APBA1: variants seen among roughly 807,000 people sequenced by gnomAD.
The protein encoded by APBA1 is amyloid-beta A4 precursor protein-binding family A member 1.
APBA1 carries 55 observed loss-of-function variants against 86.6 expected under a neutral mutation model. The ratio of observed to expected loss-of-function variants is 0.64; its 90% confidence interval spans 0.51 to 0.80. The LOEUF (loss-of-function observed/expected upper bound fraction) is 0.80. Ranked by LOEUF, APBA1 falls within the 30% of genes least tolerant of loss-of-function variation. The pLI is 0.00. For synonymous variants in APBA1, 511 were observed against 493.9 expected (o/e 1.03, Z -0.46); for missense variants, 1,090 against 1,183.0 (o/e 0.92, Z 1.15).
intron 1 of APBA1, among the ~76,000 whole-genome samples, chr9:69,621,901 T>C (rs1822826975): frequency 6.6e-6 from 1 of 152,222 alleles, no homozygotes; most frequent in Non-Finnish European, 1.5e-5. Context: ...GAACGCAGTG[T>C]TGGCTATGAT....
At chr9:69,632,699 G>A (rs1823072536) in intron 1 of APBA1, among the ~76,000 whole-genome samples, 1 of 152,018 alleles carries the variant, frequency 6.6e-6, no homozygotes, top group Non-Finnish European at 1.5e-5. Flanking sequence ...TCAGTGATTT[G>A]GAATCAGATA....
intron 2 of APBA1, among the ~76,000 whole-genome samples, chr9:69,488,678 G>A (rs1380440645): frequency 6.6e-6 from 1 of 152,122 alleles, no homozygotes; most frequent in African/African-American, 2.4e-5. Context: ...TACACTGGCT[G>A]GGCCAGAAAC....
At chr9:69,585,671 C>T (rs183359477) in intron 1 of APBA1, among the ~76,000 whole-genome samples, 71 of 152,300 alleles carry the variant, frequency 4.7e-4, no homozygotes, top group African/African-American at 1.7e-3. Context: ...TCCAGATCCC[C>T]TTGACTGTTT....
chr9:69,511,005 G>A (rs1420816764), intron 2 of APBA1, among the ~76,000 whole-genome samples: 2 of 150,742 alleles, frequency 1.3e-5, no homozygotes, highest in Non-Finnish European at 2.9e-5. Context: ...TCAGGACATA[G>A]GCATGGGCAA....
chr9:69,534,862 G>T (rs1449526705), intron 1 of APBA1, among the ~76,000 whole-genome samples: 2 of 151,978 alleles, frequency 1.3e-5, no homozygotes, highest in Non-Finnish European at 2.9e-5. Context: ...GAAAGATGAG[G>T]ATATAGCTCA....
intron 1 of APBA1, among the ~76,000 whole-genome samples, chr9:69,591,930 G>GA (rs533625949): frequency 2.0e-5 from 3 of 151,960 alleles, no homozygotes; most frequent in African/African-American, 7.3e-5. Flanking sequence ...TAAAAAAGGG[G>GA]AAAAAAAGTC....
At chr9:69,481,765 A>G (rs1013826617) in intron 2 of APBA1, among the ~76,000 whole-genome samples, 2 of 151,030 alleles carry the variant, frequency 1.3e-5, no homozygotes, top group Non-Finnish European at 3.0e-5. Flanking sequence ...ACTGGTACCA[A>G]AACAGAGATA....
chr9:69,441,812 C>A (rs182006560), intron 10 of APBA1, among the ~76,000 whole-genome samples: 1 of 152,170 alleles, frequency 6.6e-6, no homozygotes, highest in Non-Finnish European at 1.5e-5. Flanking sequence ...TGATGACACA[C>A]CTCTCCCTCT....
intron 2 of APBA1, among the ~76,000 whole-genome samples, chr9:69,506,211 GCA>G (rs1284933285): frequency 2.0e-5 from 3 of 151,786 alleles, no homozygotes; most frequent in Non-Finnish European, 4.4e-5. Flanking sequence ...GTGGGTGCGC[GCA>G]CCGTGCGCGA....
rs1018844286 is a variant in APBA1 at position 69,451,973 on chromosome 9, G to A, written c.1968+149C>T. The A allele has an allele frequency of 1.6e-4, 116 of 739,600 alleles. 1 individual carries two copies. In the East Asian group the frequency reaches 2.5e-3, roughly 16 times the overall value. 45.8% of individuals were successfully genotyped at this position (739,600 alleles called of 1,614,324 possible). A position where few individuals can be genotyped will look rare whatever the true frequency, so the allele number is the denominator to read the frequency against. ...ATGACAGGGCCCCACAGCAGGGAGC[G>A]AGAGATGGGGGTGAACGACTTCATG... On this transcript the variant is annotated intron_variant, in intron 9 of 12. Transcript: ENST00000265381.
At position 69,631,572 on chromosome 9, in the gene APBA1, T is replaced by C. The variant is rs1564097053; in HGVS notation, c.-70+40581A>G. Among the ~76,000 whole-genome samples the C allele has an allele frequency of 3.9e-5, 6 of 152,328 alleles. No individual in the cohort carries two copies. In the East Asian group the frequency reaches 9.6e-4, roughly 24 times the overall value. On this transcript the variant is annotated intron_variant, in intron 1 of 12. Transcript: ENST00000265381. ...CATTACTGGGTGTATATCCAAAGGA[T>C]TATAAATCATGCTGCTATAAAGACA...
At chr9:69,616,391 C>T (rs147814550) in intron 1 of APBA1, among the ~76,000 whole-genome samples, 2,020 of 152,248 alleles carry the variant, frequency 0.013, 23 homozygotes, top group Non-Finnish European at 0.017. Flanking sequence ...CATCTAATTG[C>T]CCATGGTCAT....
At chr9:69,670,736 A>G (rs930861361) in intron 1 of APBA1, among the ~76,000 whole-genome samples, 2 of 152,064 alleles carry the variant, frequency 1.3e-5, no homozygotes, top group Non-Finnish European at 2.9e-5. Context: ...CCACTGGGTG[A>G]GTTGTTGCCA....
chr9:69,516,599 C>G lies in APBA1; in HGVS notation c.612G>C (p.Ala204=). ...GGCCGTCGCGTGCGTCCAGCTCGGG[C>G]GCGTCCCCTATCTCCTCGTACACGT... The part of the protein sequence containing the change: ...QEHVYEEIGD[A]PELDARDGLR... Residue 204 remains alanine, a synonymous_variant, in exon 2 of 13, where the codon GCG becomes GCC. Coordinates refer to ENST00000265381, the MANE Select transcript of APBA1 (RefSeq NM_001163.4). This position sits in a 1 kb window ranked among gnomAD's most constrained non-coding sequence, Gnocchi z 7.3. 1 of 1,604,412 alleles carries G rather than the reference C, an allele frequency of 6.2e-7. No homozygotes were observed. Among genetic ancestry groups the G allele is most frequent in the Admixed American group, 1.7e-5 (1 of 59,930 alleles).
rs528564910 is a variant in APBA1, at chr9:69,500,354, A to C, written c.1200+15657T>G. 2.1e-3 allele frequency among the ~76,000 whole-genome samples: 324 copies of C among 152,282 alleles called. 4 individuals are homozygous for C. Among genetic ancestry groups the C allele is most frequent in the Admixed American group, 0.018 (268 of 15,308 alleles). ...TGATTCTTGTTTCACATTTCCATAT[A>C]GGACTCGATATCTGCAAAACCATTT... On this transcript the variant is annotated intron_variant, in intron 2 of 12. Coordinates refer to ENST00000265381, the MANE Select transcript of APBA1 (RefSeq NM_001163.4).
intron 1 of APBA1, among the ~76,000 whole-genome samples, chr9:69,542,079 A>G (rs1199140684): frequency 1.3e-5 from 2 of 152,180 alleles, no homozygotes; most frequent in South Asian, 4.1e-4. Context: ...GTCCAAAATT[A>G]TATAATTTCT....
intron 6 of APBA1, among the ~76,000 whole-genome samples, 165 bp from the exon 7 acceptor site, chr9:69,457,304 G>A (rs556769071): frequency 2.0e-5 from 3 of 152,288 alleles, no homozygotes; most frequent in South Asian, 2.1e-4. Context: ...CACAGAGGAT[G>A]GACACATGGA....
At chr9:69,466,002 C>T (rs1383543641) in intron 5 of APBA1, among the ~76,000 whole-genome samples, 2 of 152,188 alleles carry the variant, frequency 1.3e-5, no homozygotes, top group African/African-American at 2.4e-5. Context: ...TGACAACAGT[C>T]ACTCTTGAGG....
intron 1 of APBA1, among the ~76,000 whole-genome samples, chr9:69,580,629 G>C (rs1821896467): frequency 6.6e-6 from 1 of 152,154 alleles, no homozygotes; most frequent in African/African-American, 2.4e-5. Flanking sequence ...TCTTAGTGAA[G>C]TTCAACCACA....
Sources: gnomAD v4.1 joint callset for allele counts (sites outside exome capture counted in the v4.1 genomes callset) on GRCh38, gnomAD v4.1.1 for gene constraint, Gnocchi (gnomAD v3.1) non-coding constraint, MANE v1.5 for transcripts, NCBI Gene and HGNC (gene_info 2026-07-23, HGNC 2026-07-21) for gene names.